The following ADAMTS3 variants were observed in gnomAD, a reference collection of about 807,000 sequenced individuals.
ADAMTS3 encodes A disintegrin and metalloproteinase with thrombospondin motifs 3.
A neutral mutation model predicts 129.0 loss-of-function variants in ADAMTS3; 73 were observed. The ratio of observed to expected loss-of-function variants is 0.57; its 90% CI spans 0.47 to 0.69. The LOEUF (loss-of-function observed/expected upper bound fraction) is 0.69, where lower values mean the gene tolerates loss of function less well. ADAMTS3 is among the 30% of genes least tolerant of loss of function. The pLI, the probability that ADAMTS3 is intolerant of heterozygous loss-of-function variation, is 0.00. For synonymous variants in ADAMTS3, 477 were observed against 510.8 expected (o/e 0.93, Z 0.89); for missense variants, 1,457 against 1,514.5 (o/e 0.96, Z 0.63).
intron 4 of ADAMTS3, among the ~76,000 whole-genome samples, chr4:72,406,077 A>G (rs990742314): frequency 6.6e-6 from 1 of 152,116 alleles, no homozygotes; most frequent in Non-Finnish European, 1.5e-5. Context: ...AGCCTGTGAG[A>G]GAGGGCTGCT....
chr4:72,520,459 A>G (rs788940), intron 3 of ADAMTS3, among the ~76,000 whole-genome samples: 99,128 of 151,970 alleles, frequency 0.65, 32,983 homozygotes, highest in African/African-American at 0.79. Flanking sequence ...GCCTACACAG[A>G]CAGGCAGGCC....
At chr4:72,542,839 A>G (rs1721367999) in intron 3 of ADAMTS3, among the ~76,000 whole-genome samples, 1 of 152,186 alleles carries the variant, frequency 6.6e-6, no homozygotes, top group Non-Finnish European at 1.5e-5. Flanking sequence ...CAACAGCCTT[A>G]TTTCTAGTTT....
At chr4:72,357,882 T>C (rs1421172352) in intron 4 of ADAMTS3, among the ~76,000 whole-genome samples, 1 of 151,994 alleles carries the variant, frequency 6.6e-6, no homozygotes, top group Non-Finnish European at 1.5e-5. Context: ...AATGGCTTTG[T>C]TTGATACATG....
intron 4 of ADAMTS3, among the ~76,000 whole-genome samples, chr4:72,368,727 T>C (rs1358284167): frequency 6.6e-6 from 1 of 152,276 alleles, no homozygotes. Context: ...TAGAAACACA[T>C]GTTTTAATTC....
At chr4:72,350,970 T>A (rs1720419693) in intron 4 of ADAMTS3, among the ~76,000 whole-genome samples, 1 of 151,922 alleles carries the variant, frequency 6.6e-6, no homozygotes, top group Non-Finnish European at 1.5e-5. Flanking sequence ...CCTTCCTCTC[T>A]CCAGGCTCTC....
intron 11 of ADAMTS3, 141 bp downstream of exon 11, chr4:72,315,717 G>A (rs1358152901): frequency 1.2e-5 from 7 of 565,564 alleles, no homozygotes; most frequent in Non-Finnish European, 6.1e-6. Flanking sequence ...CACTATTTTA[G>A]TACATTACTT....
chr4:72,333,420 G>A (rs1156443217), intron 5 of ADAMTS3, among the ~76,000 whole-genome samples: 4 of 152,034 alleles, frequency 2.6e-5, no homozygotes, highest in Non-Finnish European at 5.9e-5. Context: ...GGATTCAATA[G>A]CAAATCCTAC....
chr4:72,456,384 GTATA>G (rs1301700771), intron 3 of ADAMTS3, among the ~76,000 whole-genome samples: 1 of 84,666 alleles, frequency 1.2e-5, no homozygotes, highest in Non-Finnish European at 2.4e-5. Flanking sequence ...AGTATATATA[GTATA>G]TATATTATAG....
intron 3 of ADAMTS3, among the ~76,000 whole-genome samples, chr4:72,451,940 A>C (rs1718418224): frequency 6.6e-6 from 1 of 151,714 alleles, no homozygotes; most frequent in Non-Finnish European, 1.5e-5. Flanking sequence ...TCTATAAAAA[A>C]TTAGCCAAAC....
intron 3 of ADAMTS3, among the ~76,000 whole-genome samples, chr4:72,536,291 G>A (rs1721183884): frequency 6.6e-6 from 1 of 152,052 alleles, no homozygotes. Context: ...TAACCCTCAG[G>A]GAAGATGATG....
At chr4:72,398,785 T>C (rs1409750175) in intron 4 of ADAMTS3, among the ~76,000 whole-genome samples, 1 of 152,136 alleles carries the variant, frequency 6.6e-6, no homozygotes, top group East Asian at 1.9e-4. Context: ...ATCCTAAATC[T>C]GGAGGACCCC....
chr4:72,472,882 T>G (rs1351826211), intron 3 of ADAMTS3, among the ~76,000 whole-genome samples: 1 of 152,148 alleles, frequency 6.6e-6, no homozygotes, highest in African/African-American at 2.4e-5. Context: ...CAATCTGAGG[T>G]GCCTCAAACG....
At position 72,548,598 on chromosome 4, in the gene ADAMTS3, T is replaced by C. The variant is rs1014153683; in HGVS notation, c.384A>G (p.Gln128=). 1 of 1,613,854 alleles carries C rather than the reference T, an allele frequency of 6.2e-7. No homozygotes were observed. Among genetic ancestry groups the C allele is most frequent in the Non-Finnish European group, 8.5e-7 (1 of 1,179,934 alleles). Residue 128 remains glutamine (Q), a synonymous_variant, in exon 3 of 22, where the codon CAA becomes CAG. Coordinates refer to ENST00000286657, the MANE Select transcript of ADAMTS3 (RefSeq NM_014243.3). ...GGATTCTATACGTAGCACTTCCTGG[T>C]TGATGGTTGTTAATGGGATCGGTTA... is the stretch of plus-strand genomic sequence containing the variant. ...GNITDPINNH[Q]PGSATYRIRR...
At chr4:72,547,968 T>C (rs1407244966) in intron 3 of ADAMTS3, among the ~76,000 whole-genome samples, 1 of 152,146 alleles carries the variant, frequency 6.6e-6, no homozygotes, top group African/African-American at 2.4e-5. Flanking sequence ...GTACTGCATC[T>C]TGCATTCATA....
At position 72,567,357 on chromosome 4, in the gene ADAMTS3, C is replaced by T. The variant is rs766691481; in HGVS notation, c.97+17G>A. 6.2e-7 allele frequency: 1 copy of T among 1,612,880 alleles called. No homozygotes were observed. The highest frequency in any genetic ancestry group is 2.2e-5 in the East Asian group (1 of 44,840). ...TTTCAACTTAAGATAAGAGTGACAT[C>T]TGAGAACAAAGCTTACCTATTTGCA... On this transcript the variant is annotated intron_variant, in intron 2 of 21. Coordinates refer to ENST00000286657, the MANE Select transcript of ADAMTS3 (RefSeq NM_014243.3).
intron 4 of ADAMTS3, among the ~76,000 whole-genome samples, chr4:72,390,411 T>C (rs925992414): frequency 6.6e-6 from 1 of 152,154 alleles, no homozygotes; most frequent in Non-Finnish European, 1.5e-5. Flanking sequence ...CACTTGTCTT[T>C]CCCCATTTTA....
chr4:72,341,913 A>G (rs564923088), intron 4 of ADAMTS3, among the ~76,000 whole-genome samples: 1 of 152,308 alleles, frequency 6.6e-6, no homozygotes, highest in Non-Finnish European at 1.5e-5. Context: ...TAAAATGCAC[A>G]ATATCAAATA....
chr4:72,445,734 A>G (rs1177946156), intron 3 of ADAMTS3, among the ~76,000 whole-genome samples: 1 of 151,746 alleles, frequency 6.6e-6, no homozygotes, highest in Non-Finnish European at 1.5e-5. Context: ...GAAAAACACC[A>G]AGTGCTGTCA....
rs1718377863 is a variant in ADAMTS3 at position 72,282,515 on chromosome 4, T to C, written c.*621A>G. ...AATTCTAACTTCTCTTTTGTAATAC[T>C]CTGCTTTGAAAATTAACCTATAGAA... is the stretch of plus-strand genomic sequence containing the variant. On this transcript the variant is annotated 3_prime_UTR_variant, in exon 22 of 22. Coordinates refer to ENST00000286657, the MANE Select transcript of ADAMTS3 (RefSeq NM_014243.3). 2.0e-5 allele frequency: 3 copies of C among 152,650 alleles called. No homozygotes were observed. The highest frequency in any genetic ancestry group is 4.1e-4 in the South Asian group (2 of 4,832). 9.5% of individuals were successfully genotyped at this position (152,650 alleles called of 1,614,324 possible).
Sources: gnomAD v4.1 joint callset for allele counts (sites outside exome capture counted in the v4.1 genomes callset) on GRCh38, gnomAD v4.1.1 for gene constraint, MANE v1.5 for transcripts, NCBI Gene and HGNC (gene_info 2026-07-23, HGNC 2026-07-21) for gene names.